CDKAL1: variants seen among roughly 807,000 people sequenced by gnomAD.
The protein encoded by CDKAL1 is CDKAL1 threonylcarbamoyladenosine tRNA methylthiotransferase.
In CDKAL1, 32 loss-of-function variants were observed where a neutral mutation model predicts 68.2. The observed-to-expected ratio is 0.47, with a 90% CI of 0.35 to 0.63. The LOEUF (loss-of-function observed/expected upper bound fraction) is 0.63. Among genes scored for constraint, CDKAL1 ranks in the 30% least tolerant of loss-of-function variants. CDKAL1 has a pLI of 0.00. For synonymous variants in CDKAL1, 234 were observed against 244.3 expected, an observed-to-expected ratio of 0.96 and a Z score of 0.39; for missense variants, 606 against 696.7, an observed-to-expected ratio of 0.87 and a Z score of 1.47.
chr6:20,911,367 C>T (rs1012009028), intron 9 of CDKAL1, among the ~76,000 whole-genome samples: 14 of 152,162 alleles, frequency 9.2e-5, no homozygotes, highest in Admixed American at 5.2e-4. Flanking sequence ...TATAACATTG[C>T]AAAAGGCTGA....
intron 5 of CDKAL1, among the ~76,000 whole-genome samples, chr6:20,711,841 A>G (rs1349963867): frequency 6.6e-6 from 1 of 152,222 alleles, no homozygotes; most frequent in Non-Finnish European, 1.5e-5. Context: ...ACAGCCAGTA[A>G]AGAGAGGAAT....
At chr6:20,997,018 A>G (rs1193499650) in intron 10 of CDKAL1, among the ~76,000 whole-genome samples, 2 of 152,254 alleles carry the variant, frequency 1.3e-5, no homozygotes, top group East Asian at 3.8e-4. Flanking sequence ...ATTACAATTT[A>G]CACCTCTTTT....
chr6:20,746,751 A>G (rs1010637453), intron 6 of CDKAL1, among the ~76,000 whole-genome samples: 8 of 152,190 alleles, frequency 5.3e-5, no homozygotes, highest in African/African-American at 1.7e-4. Flanking sequence ...TTTATTGTAT[A>G]TATTTAAGGT....
intron 11 of CDKAL1, among the ~76,000 whole-genome samples, chr6:21,029,475 G>A (rs1481084215): frequency 6.6e-6 from 1 of 151,952 alleles, no homozygotes; most frequent in Non-Finnish European, 1.5e-5. Context: ...GGTGGTCTTG[G>A]CAAATGGGAT....
chr6:20,843,872 G>C (rs1778270782), intron 8 of CDKAL1, among the ~76,000 whole-genome samples: 1 of 152,164 alleles, frequency 6.6e-6, no homozygotes, highest in African/African-American at 2.4e-5. Context: ...AGAGATGACA[G>C]GTTCCCTGGA....
intron 4 of CDKAL1, among the ~76,000 whole-genome samples, chr6:20,589,701 G>T (rs1381125462): frequency 7.6e-6 from 1 of 132,088 alleles, no homozygotes; most frequent in Non-Finnish European, 1.6e-5. Flanking sequence ...TATTTTATTA[G>T]TTTTTCTCAT....
At chr6:20,567,641 G>A (rs971456456) in intron 4 of CDKAL1, among the ~76,000 whole-genome samples, 3 of 152,056 alleles carry the variant, frequency 2.0e-5, no homozygotes, top group Admixed American at 6.6e-5. Context: ...AAGATTTGGG[G>A]TCTTGCTCCA....
At position 20,798,917 on chromosome 6, in the gene CDKAL1, CAAAAAAAA is replaced by C. The variant is rs200034795; in HGVS notation, c.638+17662_638+17669del. Among the ~76,000 whole-genome samples the C allele has an allele frequency of 1.1e-3, 117 of 103,180 alleles. 2 individuals carry two copies. Among genetic ancestry groups the C allele is most frequent in the Admixed American group, 2.9e-3 (31 of 10,524 alleles). 67.7% of individuals were successfully genotyped at this position (103,180 alleles called of 152,430 possible). A position where few individuals can be genotyped will look rare whatever the true frequency, so the allele number is the denominator to read the frequency against. ...CCCTAGAACTTAAAGTATAATAATA[CAAAAAAAA>C]AAAAAAAAAGAAAAGAAAATTGTGT... On this transcript the variant is annotated intron_variant, in intron 8 of 15. Coordinates refer to ENST00000274695, the MANE Select transcript of CDKAL1 (RefSeq NM_017774.3).
At chr6:20,823,792 G>A (rs138814251) in intron 8 of CDKAL1, among the ~76,000 whole-genome samples, 1 of 152,106 alleles carries the variant, frequency 6.6e-6, no homozygotes, top group African/African-American at 2.4e-5. Context: ...CATTTTCAGC[G>A]ATTGAGAATT....
chr6:20,973,035 G>T (rs777339720), intron 10 of CDKAL1, among the ~76,000 whole-genome samples: 1 of 150,082 alleles, frequency 6.7e-6, no homozygotes. Flanking sequence ...CCGAGATCGC[G>T]TCATTACTCT....
rs915443119 is a variant in CDKAL1 at position 21,141,010 on chromosome 6, C to T, written c.1299+32547C>T. 1.4e-4 allele frequency among the ~76,000 whole-genome samples: 22 copies of T among 152,246 alleles called. No individual in the cohort carries two copies. In the South Asian group the frequency reaches 1.7e-3, roughly 12 times the overall value. On this transcript the variant is annotated intron_variant, in intron 13 of 15. Transcript: ENST00000274695. ...CTTATTCACTATCACGAGAATAGCA[C>T]GGGAAAGACCAGCACGGGACCCATC...
At chr6:20,651,211 G>A (rs572167838) in intron 5 of CDKAL1, among the ~76,000 whole-genome samples, 2 of 152,174 alleles carry the variant, frequency 1.3e-5, no homozygotes, top group South Asian at 2.1e-4. Flanking sequence ...CCATTTGTTT[G>A]TTTCCTCTCT....
intron 8 of CDKAL1, among the ~76,000 whole-genome samples, chr6:20,814,748 C>G (rs4710954): frequency 0.28 from 43,278 of 152,064 alleles, 7,409 homozygotes; most frequent in East Asian, 0.37. Flanking sequence ...TTGCCTATTT[C>G]CCTGGCCCCT....
chr6:21,138,474 A>C (rs575384613), intron 13 of CDKAL1, among the ~76,000 whole-genome samples: 1 of 152,204 alleles, frequency 6.6e-6, no homozygotes, highest in Non-Finnish European at 1.5e-5. Context: ...GCTTTCTCTC[A>C]TTGACTAGCT....
chr6:20,869,692 C>T (rs1008804950), intron 9 of CDKAL1, among the ~76,000 whole-genome samples: 1 of 152,054 alleles, frequency 6.6e-6, no homozygotes, highest in Admixed American at 6.5e-5. Flanking sequence ...TATACGAATG[C>T]TTTCACATAA....
At chr6:21,093,894 C>CT (rs33945169) in intron 12 of CDKAL1, among the ~76,000 whole-genome samples, 1,680 of 111,030 alleles carry the variant, frequency 0.015, 66 homozygotes, top group African/African-American at 0.052. Flanking sequence ...CCACACCTGG[C>CT]TTTTTTTTTT....
At chr6:21,087,699 T>C (rs1016372237) in intron 12 of CDKAL1, among the ~76,000 whole-genome samples, 1 of 152,196 alleles carries the variant, frequency 6.6e-6, no homozygotes, top group Non-Finnish European at 1.5e-5. Flanking sequence ...TAACTCTTGG[T>C]CAATGGTTCT....
chr6:21,219,663 A>T (rs1375093319), intron 15 of CDKAL1, among the ~76,000 whole-genome samples: 1 of 152,228 alleles, frequency 6.6e-6, no homozygotes, highest in African/African-American at 2.4e-5. Context: ...GAGCTCAGTG[A>T]TGCTGAAACC....
chr6:20,959,481 A>AT (rs2150734217), intron 10 of CDKAL1, among the ~76,000 whole-genome samples: 1 of 151,382 alleles, frequency 6.6e-6, no homozygotes, highest in East Asian at 1.9e-4. Flanking sequence ...CAGGGTACTT[A>AT]TTTTTTTCTA....
Sources: allele counts gnomAD v4.1 joint callset (sites outside exome capture counted in the v4.1 genomes callset), GRCh38; gene constraint gnomAD v4.1.1; transcripts MANE v1.5; gene names NCBI Gene and HGNC (gene_info 2026-07-23, HGNC 2026-07-21).